The following CHN2 variants were observed in gnomAD, a reference collection of about 807,000 sequenced individuals.
CHN2 encodes the protein beta-chimaerin.
A neutral mutation model predicts 56.3 loss-of-function variants in CHN2; 35 were observed. That is an observed-to-expected ratio of 0.62 (90% CI 0.47 to 0.82). CHN2 has a LOEUF of 0.82. Ranked by LOEUF, CHN2 falls within the 40% of genes least tolerant of loss-of-function variation. The pLI is 0.00. For missense variants in CHN2, 491 were observed against 580.5 expected (o/e 0.85, Z 1.58); for synonymous variants, 210 against 212.8 (o/e 0.99, Z 0.12).
At chr7:29,480,209 C>A (rs766731395) in intron 6 of CHN2, 70 bp from the exon 7 acceptor site, 2 of 1,613,834 alleles carry the variant, frequency 1.2e-6, no homozygotes, top group Non-Finnish European at 1.7e-6. Flanking sequence ...TGGCCGTAGC[C>A]TTCGGGGTGA....
chr7:29,322,647 G>C (rs1400831135), intron 1 of CHN2, among the ~76,000 whole-genome samples: 1 of 152,204 alleles, frequency 6.6e-6, no homozygotes, highest in East Asian at 1.9e-4. Context: ...GTGGCTCATA[G>C]AAGTAGCTCT....
chr7:29,500,131 A>G (rs1789796770), intron 9 of CHN2, 91 bp downstream of exon 9: 2 of 1,034,604 alleles, frequency 1.9e-6, no homozygotes, highest in Admixed American at 3.5e-5. Flanking sequence ...TTGCTCTACT[A>G]CTCTTGTTGG....
chr7:29,305,768 CTCTCCTCCCT>C (rs529046998), intron 1 of CHN2, among the ~76,000 whole-genome samples: 12 of 132,360 alleles, frequency 9.1e-5, no homozygotes, highest in Admixed American at 3.0e-4. Flanking sequence ...TCTTTCTTCC[CTCTCCTCCCT>C]TCTCCTCCCC....
At chr7:29,284,056 G>A (rs1348796903) in intron 1 of CHN2, among the ~76,000 whole-genome samples, 2 of 146,376 alleles carry the variant, frequency 1.4e-5, no homozygotes, top group African/African-American at 5.1e-5. Flanking sequence ...TGGGACTACA[G>A]ACATGCGTCA....
At chr7:29,442,820 GC>G (rs2128124924) in intron 6 of CHN2, among the ~76,000 whole-genome samples, 1 of 152,026 alleles carries the variant, frequency 6.6e-6, no homozygotes, top group East Asian at 1.9e-4. Flanking sequence ...TTTTAAAACA[GC>G]CATTTATTTT....
chr7:29,500,100 A>C, intron 9 of CHN2, 60 bp downstream of exon 9: 1 of 1,325,490 alleles, frequency 7.5e-7, no homozygotes, highest in African/African-American at 1.5e-5. Context: ...GTTTGTTTTT[A>C]CTGTTGTCAA....
At chr7:29,212,959 T>C in intron 1 of CHN2, 6 of 1,609,702 alleles carry the variant, frequency 3.7e-6, no homozygotes, top group Non-Finnish European at 5.1e-6. Flanking sequence ...CAACCACTCC[T>C]GGAACACTCA....
intron 1 of CHN2, among the ~76,000 whole-genome samples, chr7:29,302,500 C>CTTTTTTT (rs70980525): frequency 1.7e-5 from 2 of 117,816 alleles, no homozygotes; most frequent in African/African-American, 6.7e-5. Flanking sequence ...AATTTTAATT[C>CTTTTTTT]TTTTTTTTTT....
intron 1 of CHN2, among the ~76,000 whole-genome samples, chr7:29,219,836 G>A (rs1483797831): frequency 6.6e-6 from 1 of 152,182 alleles, no homozygotes; most frequent in Non-Finnish European, 1.5e-5. Context: ...CAGCACTTTA[G>A]GAGGCGAGGT....
intron 3 of CHN2, among the ~76,000 whole-genome samples, chr7:29,381,724 C>G (rs900185128): frequency 2.0e-5 from 3 of 149,374 alleles, no homozygotes; most frequent in Non-Finnish European, 4.4e-5. Flanking sequence ...GACACCCTGG[C>G]TCCAGCCCTG....
chr7:29,261,280 G>A (rs749475937), intron 1 of CHN2, among the ~76,000 whole-genome samples: 1 of 152,198 alleles, frequency 6.6e-6, no homozygotes, highest in Admixed American at 6.5e-5. Context: ...GGAGGGGGTT[G>A]GTGTTTGCAC....
rs1223224208 is a variant in CHN2, at chr7:29,512,764, C to T, written c.*29C>T. 1.9e-6 allele frequency: 3 copies of T among 1,593,190 alleles called. No individual in the cohort carries two copies. The highest frequency in any genetic ancestry group is 2.6e-6 in the Non-Finnish European group (3 of 1,170,724). On this transcript the variant is annotated 3_prime_UTR_variant, in exon 13 of 13. Transcript: ENST00000222792. Reference sequence around the variant, plus strand: ...ATCAGGGAAATGAGCTGAATGGCCCCAGCACCATCCAAGTTGACACAGCTA... The same window carrying T: ...ATCAGGGAAATGAGCTGAATGGCCCTAGCACCATCCAAGTTGACACAGCTA...
chr7:29,354,604 C>CTT (rs66659316), intron 1 of CHN2, 21 bp from the exon 2 acceptor site: 41 of 1,387,448 alleles, frequency 3.0e-5, no homozygotes, highest in South Asian at 3.8e-5. Context: ...TGATGGATTT[C>CTT]TTTTTTTTTT....
At chr7:29,460,318 A>G (rs1454356587) in intron 6 of CHN2, among the ~76,000 whole-genome samples, 1 of 152,180 alleles carries the variant, frequency 6.6e-6, no homozygotes, top group East Asian at 1.9e-4. Flanking sequence ...CCCTTTTGTA[A>G]CAGTAGAAAT....
intron 7 of CHN2, among the ~76,000 whole-genome samples, chr7:29,489,899 G>GA (rs1188690551): frequency 6.6e-6 from 1 of 152,102 alleles, no homozygotes; most frequent in Non-Finnish European, 1.5e-5. Flanking sequence ...TGAAATTTTA[G>GA]AAAATCTGTG....
Position 29,458,377 on chromosome 7 carries a change from G to GCA in CHN2, c.577-21862_577-21861dup, listed in dbSNP as rs58364010. Among the ~76,000 whole-genome samples, 298 of 136,004 alleles carry GCA rather than the reference G, an allele frequency of 2.2e-3. 5 individuals carry two copies. Among genetic ancestry groups the GCA allele is most frequent in the South Asian group, 3.0e-3 (12 of 4,030 alleles). 89.2% of individuals were successfully genotyped at this position (136,004 alleles called of 152,430 possible). ...CTGTTTGTATAAGGAGCATAGCTGT[G>GCA]CACACACACACACACACACACACAC... On this transcript the variant is annotated intron_variant, in intron 6 of 12. Coordinates refer to ENST00000222792, the MANE Select transcript of CHN2 (RefSeq NM_004067.4).
intron 2 of CHN2, 104 bp from the exon 3 acceptor site, chr7:29,367,828 A>G (rs961732199): frequency 2.3e-6 from 2 of 864,652 alleles, no homozygotes; most frequent in Non-Finnish European, 3.3e-6. Context: ...TATATTTACA[A>G]TCCTTGAGAT....
At chr7:29,407,191 C>T (rs562593852) in intron 6 of CHN2, among the ~76,000 whole-genome samples, 1 of 152,210 alleles carries the variant, frequency 6.6e-6, no homozygotes, top group South Asian at 2.1e-4. Context: ...CTGAGGCACC[C>T]GGCTCAATAG....
chr7:29,378,190 A>G (rs1800219506), intron 3 of CHN2, among the ~76,000 whole-genome samples: 1 of 152,234 alleles, frequency 6.6e-6, no homozygotes, highest in Admixed American at 6.5e-5. Flanking sequence ...GTTGCTTAAA[A>G]ATGTAATTCA....
Sources: allele counts gnomAD v4.1 joint callset (sites outside exome capture counted in the v4.1 genomes callset), GRCh38; gene constraint gnomAD v4.1.1; transcripts MANE v1.5; gene names NCBI Gene and HGNC (gene_info 2026-07-23, HGNC 2026-07-21).